ABLIM3: variants seen among roughly 807,000 people sequenced by gnomAD.
ABLIM3 encodes the protein actin-binding LIM protein 3.
ABLIM3 carries 61 observed loss-of-function variants against 109.5 expected under a neutral mutation model. The observed-to-expected ratio is 0.56, with a 90% CI of 0.45 to 0.69. The LOEUF (loss-of-function observed/expected upper bound fraction) is 0.69. Ranked by LOEUF, ABLIM3 falls within the 30% of genes least tolerant of loss-of-function variation. The pLI is 0.00. For missense variants in ABLIM3, 796 were observed against 889.5 expected, an observed-to-expected ratio of 0.89 and a Z score of 1.34; for synonymous variants, 300 against 324.8, an observed-to-expected ratio of 0.92 and a Z score of 0.82.
chr5:149,213,288 G>A (rs1278258321), intron 7 of ABLIM3, among the ~76,000 whole-genome samples: 3 of 152,156 alleles, frequency 2.0e-5, no homozygotes, highest in Admixed American at 6.5e-5. Context: ...CAACCTTGGC[G>A]AGCAGCTGCT....
chr5:149,143,062 G>C (rs1752629288), intron 2 of ABLIM3, among the ~76,000 whole-genome samples: 1 of 152,062 alleles, frequency 6.6e-6, no homozygotes, highest in Admixed American at 6.6e-5. Flanking sequence ...GAGAGGGGTT[G>C]AATTAGAAAG....
At chr5:149,194,013 G>C (rs1391984465) in intron 3 of ABLIM3, among the ~76,000 whole-genome samples, 1 of 152,108 alleles carries the variant, frequency 6.6e-6, no homozygotes, top group African/African-American at 2.4e-5. Context: ...TAGGATTTCA[G>C]GGTAGAGAAT....
intron 7 of ABLIM3, among the ~76,000 whole-genome samples, chr5:149,215,998 T>C (rs1760040588): frequency 6.6e-6 from 1 of 152,222 alleles, no homozygotes; most frequent in Non-Finnish European, 1.5e-5. Flanking sequence ...CAAATTATTT[T>C]CATTTTTAAT....
rs140278254 is a variant in ABLIM3 at position 149,220,765 on chromosome 5, A to C, written c.757+3719A>C. The C allele has an allele frequency of 6.6e-5, 10 of 152,296 alleles. No individual in the cohort carries two copies. In the East Asian group the frequency reaches 1.9e-3, roughly 29 times the overall value. 9.4% of individuals were successfully genotyped at this position (152,296 alleles called of 1,614,324 possible). A position where few individuals can be genotyped will look rare whatever the true frequency, so the allele number is the denominator to read the frequency against. ...TCCACTAATAGGCTGTGACCTTGAG[A>C]AGTGGCTTCCTTCTCTGGATCTCTT... On this transcript the variant is annotated intron_variant, in intron 8 of 23. Coordinates refer to ENST00000309868, the MANE Select transcript of ABLIM3 (RefSeq NM_014945.5).
At chr5:149,161,910 GTA>G (rs1303367942) in intron 2 of ABLIM3, among the ~76,000 whole-genome samples, 2 of 151,988 alleles carry the variant, frequency 1.3e-5, no homozygotes, top group Admixed American at 1.3e-4. Context: ...GTGTGTATGT[GTA>G]TGTGTGTGTG....
intron 2 of ABLIM3, among the ~76,000 whole-genome samples, chr5:149,170,933 A>T (rs1212291476): frequency 6.6e-6 from 1 of 152,154 alleles, no homozygotes; most frequent in African/African-American, 2.4e-5. Flanking sequence ...TCATGTACCA[A>T]CAACTTCATA....
intron 2 of ABLIM3, 102 bp from the exon 3 acceptor site, chr5:149,183,350 C>A: frequency 7.4e-7 from 1 of 1,344,184 alleles, no homozygotes; most frequent in Non-Finnish European, 9.9e-7. Context: ...TCATTTCTTC[C>A]CCTTCCACTT....
At chr5:149,233,171 C>T in intron 9 of ABLIM3, 58 bp from the exon 10 acceptor site, 1 of 1,523,216 alleles carries the variant, frequency 6.6e-7, no homozygotes, top group South Asian at 1.1e-5. Context: ...CTGTCTCACC[C>T]TCCCCACCAA....
intron 2 of ABLIM3, among the ~76,000 whole-genome samples, chr5:149,170,237 T>C (rs1755266183): frequency 6.7e-6 from 1 of 150,330 alleles, no homozygotes; most frequent in African/African-American, 2.5e-5. Flanking sequence ...TTTCTCTCTC[T>C]CTCTCTCTCT....
At chr5:149,251,573 C>A in intron 21 of ABLIM3, 154 bp downstream of exon 21, 1 of 872,186 alleles carries the variant, frequency 1.1e-6, no homozygotes, top group Non-Finnish European at 1.8e-6. Flanking sequence ...CACTTCCCAC[C>A]CCCTCCCTTT....
At chr5:149,186,078 T>TAGAG (rs1466630667) in intron 3 of ABLIM3, among the ~76,000 whole-genome samples, 3 of 152,180 alleles carry the variant, frequency 2.0e-5, no homozygotes, top group Non-Finnish European at 2.9e-5. Context: ...AAACTGGCTC[T>TAGAG]GGAGAGGGAG....
intron 14 of ABLIM3, 102 bp downstream of exon 14, chr5:149,240,876 G>C (rs958642373): frequency 5.6e-5 from 61 of 1,083,902 alleles, no homozygotes; most frequent in Non-Finnish European, 7.9e-5. Context: ...CAAGAAGCTG[G>C]TTCCTGAGGG....
intron 2 of ABLIM3, among the ~76,000 whole-genome samples, chr5:149,151,367 G>T (rs1376182766): frequency 6.6e-6 from 1 of 152,176 alleles, no homozygotes; most frequent in African/African-American, 2.4e-5. Context: ...TATATTCTGA[G>T]GTACTGAGGG....
intron 2 of ABLIM3, among the ~76,000 whole-genome samples, chr5:149,156,977 A>G (rs1040003413): frequency 1.3e-5 from 2 of 152,264 alleles, no homozygotes; most frequent in South Asian, 4.1e-4. Flanking sequence ...CTGAGATTCT[A>G]GTCCAAAATG....
At chr5:149,228,924 G>A (rs373136640) in intron 8 of ABLIM3, among the ~76,000 whole-genome samples, 5 of 152,092 alleles carry the variant, frequency 3.3e-5, no homozygotes, top group East Asian at 1.9e-4. Flanking sequence ...TGACCCCCTC[G>A]CTTGACACAT....
chr5:149,165,985 A>G (rs995804318), intron 2 of ABLIM3, among the ~76,000 whole-genome samples: 2 of 152,226 alleles, frequency 1.3e-5, no homozygotes, highest in African/African-American at 4.8e-5. Context: ...TAACCTGGCA[A>G]TGGCACCAAA....
rs957556222 is a variant in ABLIM3 at position 149,152,059 on chromosome 5, GA to G, written c.13+9954del. Among the ~76,000 whole-genome samples the G allele has an allele frequency of 5.5e-4, 84 of 152,174 alleles. 1 individual carries two copies. Among genetic ancestry groups the G allele is most frequent in the Non-Finnish European group, 2.2e-4 (15 of 68,022 alleles). On this transcript the variant is annotated intron_variant, in intron 2 of 23. Transcript: ENST00000309868. Reference sequence around the variant, plus strand: ...AATTTGAATTATTTGCCAACAATGGGAAATTGGGAAATCAGAAGTGGGATTT... The same window carrying G: ...AATTTGAATTATTTGCCAACAATGGGAATTGGGAAATCAGAAGTGGGATTT...
chr5:149,153,365 A>C lies in ABLIM3; in HGVS notation c.13+11257A>C, dbSNP rs1192395526. 2.0e-5 allele frequency among the ~76,000 whole-genome samples: 3 copies of C among 152,258 alleles called. No homozygotes were observed. The East Asian group carries it at 5.8e-4, about 29-fold the overall frequency. On this transcript the variant is annotated intron_variant, in intron 2 of 23. Transcript: ENST00000309868. ...CACATCTGGTCATTTCTACCTCCCA[A>C]ACATGACTTGAACTCTTCCCCTCCT...
Position 149,198,246 on chromosome 5 carries a change from G to T in ABLIM3, c.179G>T (p.Gly60Val), listed in dbSNP as rs1758161539. The T allele has an allele frequency of 1.2e-6, 2 of 1,613,678 alleles. No homozygotes were observed. Among genetic ancestry groups the T allele is most frequent in the Non-Finnish European group, 1.7e-6 (2 of 1,179,854 alleles). ...TGTGGCTGTGGCCTGGCCCAGTCAG[G>T]CTTCTTCTTCAAGAACCAGGAGTAC... Reference protein sequence around the residue: ...QVCGCGLAQSGFFFKNQEYIC... With the variant: ...QVCGCGLAQSVFFFKNQEYIC... Residue 60 changes from glycine (G) to valine (V), a missense_variant, in exon 4 of 24, where the codon GGC becomes GTC. Gly to Val is a moderately radical substitution (Grantham distance 109). Coordinates refer to ENST00000309868, the MANE Select transcript of ABLIM3 (RefSeq NM_014945.5). This position sits in a 1 kb window ranked among gnomAD's most constrained non-coding sequence, Gnocchi z 4.2.
Sources: gnomAD v4.1 joint callset for allele counts (sites outside exome capture counted in the v4.1 genomes callset) on GRCh38, gnomAD v4.1.1 for gene constraint, Gnocchi (gnomAD v3.1) non-coding constraint, MANE v1.5 for transcripts, NCBI Gene and HGNC (gene_info 2026-07-23, HGNC 2026-07-21) for gene names.